Variants in RBFOX2 observed in about 807,000 individuals in gnomAD.
RBFOX2 encodes the protein RNA binding protein fox-1 homolog 2.
In RBFOX2, 10 loss-of-function variants were observed where a neutral mutation model predicts 49.1. That is an observed-to-expected ratio of 0.20 (90% CI 0.13 to 0.35). RBFOX2 has a LOEUF of 0.35. Ranked by LOEUF, RBFOX2 falls within the 10% of genes least tolerant of loss-of-function variation. RBFOX2 has a pLI of 1.00. For missense variants in RBFOX2, 323 were observed against 486.9 expected (o/e 0.66, Z 3.17); for synonymous variants, 183 against 187.4 (o/e 0.98, Z 0.19).
chr22:35,955,448 CA>C (rs1368968913), intron 1 of RBFOX2, among the ~76,000 whole-genome samples: 1 of 151,338 alleles, frequency 6.6e-6, no homozygotes, highest in African/African-American at 2.4e-5. Context: ...CATTATTTTA[CA>C]TTTCTACAAA....
At chr22:35,927,231 G>A (rs530490557) in intron 1 of RBFOX2, among the ~76,000 whole-genome samples, 2 of 152,302 alleles carry the variant, frequency 1.3e-5, no homozygotes, top group South Asian at 4.1e-4. Flanking sequence ...TGGTAAAGGA[G>A]AAACATTTCA....
At chr22:35,919,765 G>C (rs1176609732) in intron 1 of RBFOX2, among the ~76,000 whole-genome samples, 1 of 152,204 alleles carries the variant, frequency 6.6e-6, no homozygotes, top group Non-Finnish European at 1.5e-5. Context: ...AAATTTTAAT[G>C]AGGGAACTTT....
chr22:35,793,769 C>A (rs1948234170), intron 2 of RBFOX2, among the ~76,000 whole-genome samples: 1 of 152,186 alleles, frequency 6.6e-6, no homozygotes, highest in Non-Finnish European at 1.5e-5. Context: ...TTATGACAAG[C>A]TGAATTCTGA....
At chr22:35,747,871 C>T (rs867713674) in intron 9 of RBFOX2, 1 of 152,046 alleles carries the variant, frequency 6.6e-6, no homozygotes, top group Non-Finnish European at 1.5e-5. Context: ...TTCAAATGTT[C>T]GATTTTTCTA....
At chr22:35,836,386 AG>A (rs1343880086) in intron 1 of RBFOX2, 2 of 152,264 alleles carry the variant, frequency 1.3e-5, no homozygotes, top group African/African-American at 2.4e-5. Flanking sequence ...CCAACCACCC[AG>A]GAACAGAAGA....
At chr22:35,809,968 C>G in exon 2 of RBFOX2, 1 of 1,614,036 alleles carries the variant, frequency 6.2e-7, no homozygotes. Context: ...AAAGGCTGAA[C>G]CATTGCGTCA....
chr22:36,007,579 CA>C (rs1012233618), intron 1 of RBFOX2, among the ~76,000 whole-genome samples: 8 of 152,168 alleles, frequency 5.3e-5, no homozygotes, highest in African/African-American at 1.9e-4. Context: ...TCAAAAGGAA[CA>C]AAAGGTATAC....
chr22:35,942,062 T>C (rs752468463), upstream of RBFOX2, among the ~76,000 whole-genome samples: 8 of 152,244 alleles, frequency 5.3e-5, no homozygotes, highest in Non-Finnish European at 1.2e-4. Context: ...CATAACTGTA[T>C]TTTACTATGA....
At chr22:35,792,625 TATC>T (rs1213656769) in intron 2 of RBFOX2, among the ~76,000 whole-genome samples, 7 of 152,214 alleles carry the variant, frequency 4.6e-5, no homozygotes, top group African/African-American at 1.2e-4. Context: ...AAGGAACTAT[TATC>T]ATCATTTTTA....
chr22:35,922,302 C>T (rs1356741812), intron 1 of RBFOX2, among the ~76,000 whole-genome samples: 3 of 152,068 alleles, frequency 2.0e-5, no homozygotes, highest in Non-Finnish European at 2.9e-5. Flanking sequence ...CTGATAAGGC[C>T]GGGCATGGTG....
At chr22:35,791,111 G>A (rs1016726812) in intron 2 of RBFOX2, among the ~76,000 whole-genome samples, 5 of 152,018 alleles carry the variant, frequency 3.3e-5, no homozygotes, top group East Asian at 3.9e-4. Flanking sequence ...TAGGCCTGGC[G>A]CAGTGGCTCA....
chr22:35,747,090 CA>C (rs1349989085), intron 9 of RBFOX2: 1 of 152,224 alleles, frequency 6.6e-6, no homozygotes, highest in Admixed American at 6.5e-5. Flanking sequence ...CTAAGATAAT[CA>C]GGTAATATTT....
At chr22:36,024,839 C>T (rs2059372950) in intron 1 of RBFOX2, among the ~76,000 whole-genome samples, 1 of 151,974 alleles carries the variant, frequency 6.6e-6, no homozygotes, top group Non-Finnish European at 1.5e-5. Context: ...CAGATTTTCG[C>T]TCTTGTTGCC....
At chr22:35,905,211 A>G (rs570470978) in intron 1 of RBFOX2, among the ~76,000 whole-genome samples, 2 of 152,308 alleles carry the variant, frequency 1.3e-5, no homozygotes, top group East Asian at 1.9e-4. Context: ...GCAGTGGGGA[A>G]TAAGTACCAG....
chr22:36,026,221 G>A (rs1237198877), intron 1 of RBFOX2, among the ~76,000 whole-genome samples: 1 of 149,206 alleles, frequency 6.7e-6, no homozygotes, highest in Non-Finnish European at 1.5e-5. Context: ...AGGTTGCAGT[G>A]AGCCGAGATC....
chr22:35,933,953 T>TATATATATATATATATAC lies in RBFOX2; in HGVS notation c.-34+4893_-34+4894insGTATATATATATATATAT, dbSNP rs1009021083. On this transcript the variant is annotated intron_variant, in intron 1 of 13. Transcript: ENST00000359369. The stretch of plus-strand genomic sequence containing the variant: ...ATATATATATATATATATATATATA[T>TATATATATATATATATAC]ACACACATCAATGAAATAAATTAGA... Among the ~76,000 whole-genome samples, 1,125 of 140,742 alleles carry TATATATATATATATATAC rather than the reference T, an allele frequency of 8.0e-3. 38 individuals are homozygous for TATATATATATATATATAC. The highest frequency in any genetic ancestry group is 0.03 in the African/African-American group (1,075 of 35,466). 92.3% of individuals were successfully genotyped at this position (140,742 alleles called of 152,430 possible).
intron 1 of RBFOX2, among the ~76,000 whole-genome samples, chr22:35,927,619 A>AG (rs1177240373): frequency 6.6e-6 from 1 of 151,752 alleles, no homozygotes; most frequent in Non-Finnish European, 1.5e-5. Flanking sequence ...AAAAAAAAAA[A>AG]AAAAAAAGCA....
intron 6 of RBFOX2, among the ~76,000 whole-genome samples, chr22:35,762,198 AAG>A (rs1352516365): frequency 6.6e-6 from 1 of 152,216 alleles, no homozygotes; most frequent in African/African-American, 2.4e-5. Context: ...TATAAATATT[AAG>A]AGTTTCCAAA....
intron 1 of RBFOX2, among the ~76,000 whole-genome samples, chr22:35,981,972 C>T (rs890142357): frequency 6.6e-6 from 1 of 152,112 alleles, no homozygotes. Context: ...TAGAGAGGCA[C>T]ACCAAAGGGA....
Sources: allele counts gnomAD v4.1 joint callset (sites outside exome capture counted in the v4.1 genomes callset), GRCh38; gene constraint gnomAD v4.1.1; transcripts MANE v1.5; gene names NCBI Gene and HGNC (gene_info 2026-07-23, HGNC 2026-07-21).